Variants in SORBS2 observed in about 807,000 individuals in gnomAD.
SORBS2 encodes the protein sorbin and SH3 domain-containing protein 2.
In SORBS2, 46 loss-of-function variants were observed where a neutral mutation model predicts 97.7. The ratio of observed to expected loss-of-function variants is 0.47; its 90% CI spans 0.37 to 0.60. SORBS2 has a LOEUF of 0.60. SORBS2 is among the 20% of genes least tolerant of loss of function. The pLI, the probability that SORBS2 is intolerant of heterozygous loss-of-function variation, is 0.00. For missense variants in SORBS2, 1,316 were observed against 1,282.3 expected, an observed-to-expected ratio of 1.03 and a Z score of -0.40; for synonymous variants, 476 against 473.4, an observed-to-expected ratio of 1.01 and a Z score of -0.07.
At chr4:185,713,606 A>G (rs2098442436) in intron 2 of SORBS2, among the ~76,000 whole-genome samples, 1 of 152,204 alleles carries the variant, frequency 6.6e-6, no homozygotes, top group African/African-American at 2.4e-5. Flanking sequence ...TGAAAACAAT[A>G]TATACTTTTT....
At chr4:185,687,270 C>T (rs2153513749) in intron 2 of SORBS2, among the ~76,000 whole-genome samples, 1 of 152,258 alleles carries the variant, frequency 6.6e-6, no homozygotes, top group East Asian at 1.9e-4. Context: ...TCAAGCGATC[C>T]TCCTGGCTCA....
chr4:185,587,657 A>G, exon 15 of SORBS2: 1 of 1,613,570 alleles, frequency 6.2e-7, no homozygotes, highest in Non-Finnish European at 8.5e-7. Context: ...TTCCGGGGAA[A>G]GTACCAAAGA....
At position 185,746,405 on chromosome 4, in the gene SORBS2, G is replaced by A. The variant is rs573735259; in HGVS notation, c.-198+28822C>T. ...CATCTTGGCTCGCTGCAACCTCCGC[G>A]TCCTGGGTTCAAGCAATTCTCCTGC... On this transcript the variant is annotated intron_variant, in intron 2 of 20. Transcript: ENST00000284776. Among the ~76,000 whole-genome samples, 340 of 152,112 alleles carry A rather than the reference G, an allele frequency of 2.2e-3. 1 individual carries two copies. Among genetic ancestry groups the A allele is most frequent in the African/African-American group, 7.4e-3 (306 of 41,502 alleles).
At chr4:185,719,906 C>A (rs755714622) in intron 2 of SORBS2, among the ~76,000 whole-genome samples, 3 of 152,204 alleles carry the variant, frequency 2.0e-5, no homozygotes, top group Non-Finnish European at 4.4e-5. Context: ...TGGCTTTAGC[C>A]AGGCTAAGAT....
intron 14 of SORBS2, chr4:185,589,301 C>A (rs895177030): frequency 5.6e-6 from 1 of 179,288 alleles, no homozygotes; most frequent in Non-Finnish European, 1.2e-5. Context: ...AATCTCACTC[C>A]CTCTGAAATT....
intron 1 of SORBS2, among the ~76,000 whole-genome samples, chr4:185,808,809 CT>C (rs2099167409): frequency 6.6e-6 from 1 of 152,176 alleles, no homozygotes; most frequent in Non-Finnish European, 1.5e-5. Flanking sequence ...TTATAATCGG[CT>C]ACTAATCATC....
At chr4:185,624,250 G>C in exon 7 of SORBS2, 1 of 1,614,208 alleles carries the variant, frequency 6.2e-7, no homozygotes. Flanking sequence ...CGCAGTCGTC[G>C]TTTAGGAGAT....
intron 14 of SORBS2, 163 bp from the exon 27 acceptor site, chr4:185,587,851 A>G (rs111691790): frequency 4.5e-5 from 27 of 602,994 alleles, no homozygotes; most frequent in Non-Finnish European, 6.8e-5. Context: ...AGACAAAATA[A>G]GCAGTGTTAG....
intron 4 of SORBS2, among the ~76,000 whole-genome samples, chr4:185,643,719 A>G (rs1005168799): frequency 3.9e-5 from 6 of 152,190 alleles, no homozygotes; most frequent in South Asian, 2.1e-4. Context: ...GAGGCCATGT[A>G]GAGATTCAAA....
intron 1 of SORBS2, among the ~76,000 whole-genome samples, chr4:185,939,554 AG>A (rs1162804795): frequency 6.6e-6 from 1 of 151,980 alleles, no homozygotes; most frequent in Non-Finnish European, 1.5e-5. Context: ...CTTGTTGCCC[AG>A]GCTGGAGTGC....
At chr4:185,820,517 G>T (rs962769627) in intron 1 of SORBS2, among the ~76,000 whole-genome samples, 9 of 152,208 alleles carry the variant, frequency 5.9e-5, no homozygotes, top group Admixed American at 1.3e-4. Context: ...CAGAGGAGGG[G>T]CATGGTGTGC....
chr4:185,889,075 G>A (rs868261075), intron 1 of SORBS2, among the ~76,000 whole-genome samples: 1 of 152,156 alleles, frequency 6.6e-6, no homozygotes, highest in Non-Finnish European at 1.5e-5. Flanking sequence ...TAACACCTTT[G>A]CTTTCTATCA....
At chr4:185,687,113 C>G (rs62336135) in intron 2 of SORBS2, among the ~76,000 whole-genome samples, 41,172 of 152,004 alleles carry the variant, frequency 0.27, 5,683 homozygotes, top group Middle Eastern at 0.36. Context: ...TGCATTTGGA[C>G]CTTACTGGGC....
intron 1 of SORBS2, among the ~76,000 whole-genome samples, chr4:185,797,593 A>G (rs1403681614): frequency 1.3e-5 from 2 of 152,172 alleles, no homozygotes; most frequent in Non-Finnish European, 2.9e-5. Context: ...GTCATTTTGC[A>G]GTAATCTCAT....
At chr4:185,655,663 T>C (rs1317538630) in intron 1 of SORBS2, among the ~76,000 whole-genome samples, 1 of 152,266 alleles carries the variant, frequency 6.6e-6, no homozygotes, top group Non-Finnish European at 1.5e-5. Context: ...TGCTTATGCA[T>C]ACCCAAACGT....
chr4:185,675,955 G>A (rs1456283665), intron 4 of SORBS2, among the ~76,000 whole-genome samples: 2 of 152,124 alleles, frequency 1.3e-5, no homozygotes, highest in Non-Finnish European at 2.9e-5. Flanking sequence ...TTATCTTTTG[G>A]AGATTTTCTG....
intron 1 of SORBS2, among the ~76,000 whole-genome samples, chr4:185,800,261 T>C (rs980968880): frequency 3.3e-5 from 5 of 152,126 alleles, no homozygotes; most frequent in African/African-American, 9.7e-5. Flanking sequence ...CATATTCCCC[T>C]CAATGAAAAA....
intron 5 of SORBS2, among the ~76,000 whole-genome samples, chr4:185,627,468 T>A (rs1275924585): frequency 6.6e-6 from 1 of 152,218 alleles, no homozygotes; most frequent in African/African-American, 2.4e-5. Context: ...TCCTCAAGCC[T>A]CAGTCTCCTG....
intron 1 of SORBS2, among the ~76,000 whole-genome samples, chr4:185,795,309 G>A (rs2099099641): frequency 6.6e-6 from 1 of 152,124 alleles, no homozygotes; most frequent in African/African-American, 2.4e-5. Context: ...AGAAGAAAGA[G>A]GTCGGGGCAG....
Sources: gnomAD v4.1 joint callset for allele counts (sites outside exome capture counted in the v4.1 genomes callset) on GRCh38, gnomAD v4.1.1 for gene constraint, MANE v1.5 for transcripts, NCBI Gene and HGNC (gene_info 2026-07-23, HGNC 2026-07-21) for gene names.